Variants in FAAH2 observed in about 807,000 individuals in gnomAD.
FAAH2 encodes the protein fatty-acid amide hydrolase 2.
FAAH2 carries 60 observed loss-of-function variants against 36.9 expected under a neutral mutation model. The observed-to-expected ratio is 1.63, with a 90% CI of 1.32 to 2.02. FAAH2 has a LOEUF of 2.02. Ranked by LOEUF, FAAH2 falls within the 30% of genes most tolerant of loss-of-function variation. The pLI is 0.00. For synonymous variants in FAAH2, 214 were observed against 143.8 expected, an observed-to-expected ratio of 1.49 and a Z score of -3.49; for missense variants, 689 against 397.5, an observed-to-expected ratio of 1.73 and a Z score of -6.23.
chrX:57,455,359 C>A (rs2056848651), intron 10 of FAAH2, among the ~76,000 whole-genome samples: 1 of 111,215 alleles, frequency 9.0e-6, no homozygotes, highest in South Asian at 3.8e-4. Flanking sequence ...CACTCAAGCA[C>A]ATGGCCCATA....
rs1253002624 is a variant in FAAH2 at position 57,310,640 on chromosome X, C to T, written c.323C>T (p.Ala108Val). Reference protein sequence around the residue: ...KEAHAVDQKLAEKQEDEATLE... With the variant: ...KEAHAVDQKLVEKQEDEATLE... ...GCTCATGCTGTAGATCAAAAGCTTG[C>T]AGAGAAGCAGGAAGATGAAGCCACC... The change falls in exon 3 of 11, where the codon GCA becomes GTA. Residue 108 changes from alanine (A) to valine (V), a missense_variant. Ala to Val is a moderately conservative substitution (Grantham distance 64). Coordinates refer to ENST00000374900, the MANE Select transcript of FAAH2 (RefSeq NM_174912.4). 8.3e-7 allele frequency: 1 copy of T among 1,209,191 alleles called. No homozygotes were observed. The highest frequency in any genetic ancestry group is 1.1e-6 in the Non-Finnish European group (1 of 894,125).
intron 8 of FAAH2, among the ~76,000 whole-genome samples, chrX:57,444,540 C>T (rs947227887): frequency 9.0e-5 from 10 of 111,484 alleles, no homozygotes; most frequent in South Asian, 3.8e-4. Flanking sequence ...GGGAATTCTC[C>T]GACCCCTTGT....
chrX:57,349,409 A>G (rs1208668716), intron 5 of FAAH2, among the ~76,000 whole-genome samples: 1 of 98,485 alleles, frequency 1.0e-5, no homozygotes, highest in African/African-American at 3.6e-5. Context: ...ATATGTGTGT[A>G]TATACACATA....
At chrX:57,157,791 C>A in the FAAH2 span, among the ~76,000 whole-genome samples, 1 of 111,212 alleles carries the variant, frequency 9.0e-6, no homozygotes, top group Non-Finnish European at 1.9e-5. Context: ...TCTACTAAGC[C>A]AATTTGCTCA....
At chrX:57,341,811 C>T (rs2053695431) in intron 5 of FAAH2, among the ~76,000 whole-genome samples, 1 of 110,991 alleles carries the variant, frequency 9.0e-6, no homozygotes, top group Non-Finnish European at 1.9e-5. Flanking sequence ...TTGATTTTCC[C>T]TCATTTAAAG....
chrX:57,347,644 G>A (rs1222125166), intron 5 of FAAH2, among the ~76,000 whole-genome samples: 1 of 50,685 alleles, frequency 2.0e-5, no homozygotes, highest in Admixed American at 2.6e-4. Context: ...TTTTGCTGTT[G>A]TTGTTGTTTT....
the FAAH2 span, among the ~76,000 whole-genome samples, chrX:57,239,288 T>C: frequency 1.8e-5 from 2 of 111,582 alleles, no homozygotes; most frequent in Non-Finnish European, 3.8e-5. Flanking sequence ...TCATTATTGA[T>C]CATATTTCTC....
At chrX:57,442,532 C>A (rs779532755) in intron 8 of FAAH2, among the ~76,000 whole-genome samples, 1 of 111,740 alleles carries the variant, frequency 8.9e-6, no homozygotes, top group South Asian at 3.7e-4. Flanking sequence ...TTCCTGCATA[C>A]AGCACACTGA....
intron 7 of FAAH2, among the ~76,000 whole-genome samples, chrX:57,400,260 C>T (rs5960970): frequency 0.53 from 58,860 of 110,596 alleles, 13,641 homozygotes; most frequent in Non-Finnish European, 0.72. Flanking sequence ...GATCTCTTCC[C>T]TGTGTCATTT....
chrX:57,159,121 G>A, the FAAH2 span, among the ~76,000 whole-genome samples: 1 of 111,839 alleles, frequency 8.9e-6, no homozygotes, highest in South Asian at 3.7e-4. Context: ...TCTTGTTTTT[G>A]TCAGGTTTGT....
the FAAH2 span, among the ~76,000 whole-genome samples, chrX:57,256,764 C>G: frequency 3.6e-5 from 4 of 112,085 alleles, no homozygotes; most frequent in Non-Finnish European, 7.5e-5. Context: ...AGGCAACCTA[C>G]AGAATGGGAG....
intron 4 of FAAH2, among the ~76,000 whole-genome samples, chrX:57,332,122 G>C (rs1254499936): frequency 2.7e-5 from 3 of 112,430 alleles, no homozygotes; most frequent in African/African-American, 9.7e-5. Context: ...GAATTGACAA[G>C]GCTTTTATTA....
chrX:57,148,577 A>G, the FAAH2 span, among the ~76,000 whole-genome samples: 1 of 111,572 alleles, frequency 9.0e-6, no homozygotes, highest in Admixed American at 9.5e-5. Context: ...TTATTGGTGT[A>G]TAAGAATGCT....
At chrX:57,442,540 T>G (rs1052245426) in intron 8 of FAAH2, among the ~76,000 whole-genome samples, 9 of 111,961 alleles carry the variant, frequency 8.0e-5, no homozygotes, top group African/African-American at 2.9e-4. Flanking sequence ...TACAGCACAC[T>G]GATGTGTCTT....
At chrX:57,405,916 T>C (rs1330764049) in intron 7 of FAAH2, among the ~76,000 whole-genome samples, 1 of 108,293 alleles carries the variant, frequency 9.2e-6, no homozygotes, top group Non-Finnish European at 1.9e-5. Flanking sequence ...TACCTTACAA[T>C]CTATATTTTC....
At chrX:57,381,880 C>T (rs1425408162) in intron 7 of FAAH2, among the ~76,000 whole-genome samples, 2 of 111,732 alleles carry the variant, frequency 1.8e-5, no homozygotes, top group African/African-American at 3.3e-5. Context: ...ACATTCTTCT[C>T]AGCACCAAAC....
chrX:57,404,156 G>T (rs1184093613), intron 7 of FAAH2, among the ~76,000 whole-genome samples: 1 of 112,245 alleles, frequency 8.9e-6, no homozygotes, highest in African/African-American at 3.2e-5. Flanking sequence ...GTGCTTTCAG[G>T]CTACATCCTT....
In FAAH2 at chrX:57,320,310, A is replaced by G. The variant is rs184331371; in HGVS notation, c.412+9581A>G. On this transcript the variant is annotated intron_variant, in intron 3 of 10. Transcript: ENST00000374900. ...TATCCAGAATCTACAAGAAACTTAA[A>G]CAAATTTACAAGAAAAAGACAAACA... 6.9e-3 allele frequency among the ~76,000 whole-genome samples: 773 copies of G among 112,246 alleles called. 4 individuals are homozygous for G. The highest frequency in any genetic ancestry group is 9.2e-3 in the Middle Eastern group (2 of 217).
chrX:57,454,997 C>A (rs1456662251), intron 10 of FAAH2, among the ~76,000 whole-genome samples: 2 of 111,129 alleles, frequency 1.8e-5, no homozygotes, highest in Non-Finnish European at 3.8e-5. Context: ...GGTACATAGT[C>A]ATCAGATTCA....
Sources: gnomAD v4.1 joint callset for allele counts (sites outside exome capture counted in the v4.1 genomes callset) on GRCh38, gnomAD v4.1.1 for gene constraint, MANE v1.5 for transcripts, NCBI Gene and HGNC (gene_info 2026-07-23, HGNC 2026-07-21) for gene names.